BTRC: variants seen among roughly 807,000 people sequenced by gnomAD.
The protein encoded by BTRC is F-box/WD repeat-containing protein 1A.
BTRC carries 42 observed loss-of-function variants against 85.5 expected under a neutral mutation model. The ratio of observed to expected loss-of-function variants is 0.49; its 90% CI spans 0.38 to 0.64. The LOEUF is 0.64. BTRC is among the 30% of genes least tolerant of loss of function. BTRC has a pLI of 0.00. For synonymous variants in BTRC, 255 were observed against 263.3 expected, an observed-to-expected ratio of 0.97 and a Z score of 0.30; for missense variants, 594 against 743.5, an observed-to-expected ratio of 0.80 and a Z score of 2.34.
At chr10:101,406,616 C>T (rs1417521716) in intron 1 of BTRC, among the ~76,000 whole-genome samples, 9 of 146,008 alleles carry the variant, frequency 6.2e-5, no homozygotes, top group African/African-American at 2.3e-4. Context: ...CTCACTGCAC[C>T]TCCACCTCCT....
At chr10:101,527,508 T>C (rs562443819) in intron 6 of BTRC, among the ~76,000 whole-genome samples, 53 of 152,242 alleles carry the variant, frequency 3.5e-4, no homozygotes, top group South Asian at 2.3e-3. Context: ...ATCCCAACAG[T>C]TTTGGAGGCC....
intron 1 of BTRC, among the ~76,000 whole-genome samples, chr10:101,382,962 A>C (rs1404129310): frequency 6.6e-6 from 1 of 152,100 alleles, no homozygotes; most frequent in Non-Finnish European, 1.5e-5. Flanking sequence ...CACACTACTA[A>C]AGCTGCTTAG....
intron 1 of BTRC, among the ~76,000 whole-genome samples, chr10:101,379,211 G>A (rs1942867716): frequency 1.3e-5 from 2 of 152,178 alleles, no homozygotes; most frequent in African/African-American, 4.8e-5. Flanking sequence ...CTCTTTTCAT[G>A]TAGGTATGGG....
chr10:101,374,002 GT>G (rs1942716541), intron 1 of BTRC, among the ~76,000 whole-genome samples: 1 of 151,964 alleles, frequency 6.6e-6, no homozygotes, highest in African/African-American at 2.4e-5. Flanking sequence ...GGAAAGCTGG[GT>G]GATGATTAGA....
chr10:101,431,784 A>G (rs1288737145), intron 2 of BTRC, among the ~76,000 whole-genome samples: 1 of 152,206 alleles, frequency 6.6e-6, no homozygotes, highest in East Asian at 1.9e-4. Flanking sequence ...CTATTTAGTG[A>G]TCATAAAGCT....
chr10:101,425,224 G>A (rs1375659934), intron 1 of BTRC, among the ~76,000 whole-genome samples: 1 of 152,092 alleles, frequency 6.6e-6, no homozygotes, highest in Non-Finnish European at 1.5e-5. Flanking sequence ...GGTTGATTCT[G>A]TGTCTTTACT....
intron 3 of BTRC, among the ~76,000 whole-genome samples, chr10:101,469,244 A>G (rs186083118): frequency 6.6e-6 from 1 of 152,346 alleles, no homozygotes; most frequent in East Asian, 1.9e-4. Flanking sequence ...AATGGAAAAT[A>G]TTGAATGTTT....
chr10:101,441,555 A>G lies in BTRC; in HGVS notation c.156+11103A>G, dbSNP rs530424130. ...ATTGGTGAATCAAACTTCTTGAAGC[A>G]TCTTGCTTTTACTTTGTTGGTTCTA... On this transcript the variant is annotated intron_variant, in intron 2 of 14. Coordinates refer to ENST00000370187, the MANE Select transcript of BTRC (RefSeq NM_033637.4). Among the ~76,000 whole-genome samples, 8 of 152,294 alleles carry G rather than the reference A, an allele frequency of 5.3e-5. No homozygotes were observed. The South Asian group carries it at 1.7e-3, about 32-fold the overall frequency.
At chr10:101,420,659 G>A (rs1323837398) in intron 1 of BTRC, among the ~76,000 whole-genome samples, 2 of 151,742 alleles carry the variant, frequency 1.3e-5, no homozygotes, top group Non-Finnish European at 2.9e-5. Context: ...CTATCACTCT[G>A]CTTAGTCCCT....
At chr10:101,395,232 G>A (rs1943335066) in intron 1 of BTRC, among the ~76,000 whole-genome samples, 1 of 152,118 alleles carries the variant, frequency 6.6e-6, no homozygotes, top group Non-Finnish European at 1.5e-5. Context: ...GAGAGAGATG[G>A]GGTTTTGTAT....
At chr10:101,500,941 C>T (rs1233417104) in intron 4 of BTRC, among the ~76,000 whole-genome samples, 1 of 152,136 alleles carries the variant, frequency 6.6e-6, no homozygotes, top group East Asian at 1.9e-4. Context: ...AGTCTGTAAT[C>T]CCAGCACTTT....
At chr10:101,491,001 G>A (rs1419257073) in intron 4 of BTRC, among the ~76,000 whole-genome samples, 3 of 151,572 alleles carry the variant, frequency 2.0e-5, no homozygotes, top group African/African-American at 7.3e-5. Flanking sequence ...AGAGGTTGCA[G>A]TAGGCCAAGA....
At chr10:101,493,437 A>G (rs902263476) in intron 4 of BTRC, among the ~76,000 whole-genome samples, 2 of 152,236 alleles carry the variant, frequency 1.3e-5, no homozygotes, top group East Asian at 1.9e-4. Flanking sequence ...GTCATACTGT[A>G]TGTTGCAGAA....
intron 1 of BTRC, among the ~76,000 whole-genome samples, chr10:101,400,144 A>T (rs560716157): frequency 1.2e-4 from 18 of 152,302 alleles, no homozygotes; most frequent in African/African-American, 4.1e-4. Flanking sequence ...GGTCTTTGAA[A>T]TTGTTATTTA....
At chr10:101,367,338 G>T (rs1468244691) in intron 1 of BTRC, among the ~76,000 whole-genome samples, 1 of 151,586 alleles carries the variant, frequency 6.6e-6, no homozygotes, top group Non-Finnish European at 1.5e-5. Flanking sequence ...AAAGTGCTGG[G>T]ATTACAGGCG....
intron 2 of BTRC, among the ~76,000 whole-genome samples, chr10:101,433,113 A>G (rs1232903947): frequency 2.0e-5 from 3 of 152,226 alleles, no homozygotes; most frequent in African/African-American, 4.8e-5. Context: ...CCAGTAGCCA[A>G]GAGGAAAGGC....
chr10:101,536,700 T>A, intron 12 of BTRC, 47 bp downstream of exon 12: 3 of 1,400,574 alleles, frequency 2.1e-6, no homozygotes, highest in Non-Finnish European at 3.0e-6. Context: ...TACGTCTTAA[T>A]CCTTCCTTAT....
intron 3 of BTRC, among the ~76,000 whole-genome samples, chr10:101,468,709 A>G (rs540834498): frequency 9.9e-5 from 15 of 152,180 alleles, no homozygotes; most frequent in Admixed American, 5.9e-4. Flanking sequence ...TTGTTATGCT[A>G]TAGGGCTGCT....
chr10:101,511,258 A>G (rs1173802347), intron 4 of BTRC, among the ~76,000 whole-genome samples: 4 of 152,056 alleles, frequency 2.6e-5, no homozygotes, highest in Non-Finnish European at 5.9e-5. Flanking sequence ...ACTTGAACAT[A>G]CCATTGCACT....
Sources: gnomAD v4.1 joint callset for allele counts (sites outside exome capture counted in the v4.1 genomes callset) on GRCh38, gnomAD v4.1.1 for gene constraint, MANE v1.5 for transcripts, NCBI Gene and HGNC (gene_info 2026-07-23, HGNC 2026-07-21) for gene names.